TMEM154: variants seen among roughly 807,000 people sequenced by gnomAD.
The protein encoded by TMEM154 is transmembrane protein 154.
Under a neutral mutation model 24.5 loss-of-function variants are expected in TMEM154, and 27 were observed. The ratio of observed to expected loss-of-function variants is 1.10; its 90% CI spans 0.81 to 1.52. TMEM154 has a LOEUF of 1.52. Among genes scored for constraint, TMEM154 ranks in the 40% most tolerant of loss-of-function variants. TMEM154 has a pLI of 0.00. For missense variants in TMEM154, 228 were observed against 213.4 expected, an observed-to-expected ratio of 1.07 and a Z score of -0.43; for synonymous variants, 67 against 76.8, an observed-to-expected ratio of 0.87 and a Z score of 0.67.
At chr4:152,677,758 G>A (rs1166074250) in intron 1 of TMEM154, among the ~76,000 whole-genome samples, 1 of 152,292 alleles carries the variant, frequency 6.6e-6, no homozygotes, top group East Asian at 1.9e-4. Context: ...CCTGTTTTCA[G>A]GAGCTATCAG....
chr4:152,666,060 T>G (rs1728717004), intron 1 of TMEM154, among the ~76,000 whole-genome samples: 1 of 152,042 alleles, frequency 6.6e-6, no homozygotes, highest in Non-Finnish European at 1.5e-5. Flanking sequence ...GTGCCAGGAT[T>G]ACAGGCATGA....
chr4:152,642,338 T>C (rs1200394233), intron 5 of TMEM154, among the ~76,000 whole-genome samples: 1 of 152,212 alleles, frequency 6.6e-6, no homozygotes, highest in Non-Finnish European at 1.5e-5. Flanking sequence ...AATGACATGA[T>C]AATGCTGGGT....
chr4:152,679,897 C>G lies in TMEM154; in HGVS notation c.37G>C (p.Val13Leu). ...APRAALVFAL[V>L]IALVPVGRGN... ...CGGCCGACGGGAACGAGCGCGATCA[C>G]CAGGGCGAAGACTAGGGCTGCGCGG... The change falls in exon 1 of 7, where the codon GTG (valine) becomes CTG (leucine). Residue 13 changes from valine to leucine, a missense_variant. Transcript: ENST00000304385. 1 of 1,611,028 alleles carries G rather than the reference C, an allele frequency of 6.2e-7. No individual in the cohort carries two copies. Among genetic ancestry groups the G allele is most frequent in the Non-Finnish European group, 8.5e-7 (1 of 1,179,076 alleles).
chr4:152,676,999 A>C (rs1411679550), intron 1 of TMEM154, among the ~76,000 whole-genome samples: 1 of 152,212 alleles, frequency 6.6e-6, no homozygotes, highest in African/African-American at 2.4e-5. Context: ...TTAAGCTGAC[A>C]CTGACAGGGC....
Position 152,644,436 on chromosome 4 carries a change from A to G in TMEM154, c.371T>C (p.Leu124Pro), listed in dbSNP as rs1286485924. ...TTACACTTTCACGTTTTCACTTCCC[A>G]GTTCATCTAAAAGGAAATGAACATA... ...GSQSALQTYE[L>P]GSENVKVPIF... is the part of the protein sequence containing the mutation. The change falls in exon 4 of 7, where the codon CTG (leucine) becomes CCG (proline). Residue 124 changes from leucine (L) to proline (P), a missense_variant. Coordinates refer to ENST00000304385, the MANE Select transcript of TMEM154 (RefSeq NM_152680.3). 1 of 1,614,208 alleles carries G rather than the reference A, an allele frequency of 6.2e-7. No homozygotes were observed. Among genetic ancestry groups the G allele is most frequent in the East Asian group, 2.2e-5 (1 of 44,892 alleles).
chr4:152,631,070 G>A (rs1752031088), intron 6 of TMEM154, among the ~76,000 whole-genome samples: 1 of 151,932 alleles, frequency 6.6e-6, no homozygotes, highest in Admixed American at 6.6e-5. Context: ...CTACATCTTT[G>A]GAAACTTCCA....
At chr4:152,639,578 C>G (rs1752215391) in intron 6 of TMEM154, among the ~76,000 whole-genome samples, 1 of 151,918 alleles carries the variant, frequency 6.6e-6, no homozygotes, top group Non-Finnish European at 1.5e-5. Flanking sequence ...ATCTCTCTCT[C>G]TCTCTCTCTC....
In TMEM154 at chr4:152,627,176, A is replaced by T. The variant is rs1192136913; in HGVS notation, c.*1370T>A. Reference sequence around the variant, plus strand: ...CAGAAGGCAAATACTTGTTAAAGGGATCCCAAAAGGTAGGAGACAAGTAGT... The same window carrying T: ...CAGAAGGCAAATACTTGTTAAAGGGTTCCCAAAAGGTAGGAGACAAGTAGT... On this transcript the variant is annotated 3_prime_UTR_variant, in exon 7 of 7. Coordinates refer to ENST00000304385, the MANE Select transcript of TMEM154 (RefSeq NM_152680.3). 2 of 152,266 alleles carry T rather than the reference A, an allele frequency of 1.3e-5. No individual in the cohort carries two copies. The highest frequency in any genetic ancestry group is 4.8e-5 in the African/African-American group (2 of 41,470). The allele number at this position is 152,266 out of a possible 1,614,324, so 9.4% of individuals were successfully genotyped here. A position where few individuals can be genotyped will look rare whatever the true frequency, so the allele number is the denominator to read the frequency against.
chr4:152,650,034 T>C (rs1728342916), intron 3 of TMEM154, among the ~76,000 whole-genome samples: 1 of 152,186 alleles, frequency 6.6e-6, no homozygotes, highest in South Asian at 2.1e-4. Context: ...CCGCAAGTTG[T>C]AATTATTTTT....
At chr4:152,673,428 G>A (rs745924760) in intron 1 of TMEM154, among the ~76,000 whole-genome samples, 4 of 152,130 alleles carry the variant, frequency 2.6e-5, no homozygotes, top group Admixed American at 6.5e-5. Flanking sequence ...AGCCTCCCGA[G>A]TAGCTGGGAC....
rs148777034 is a variant in TMEM154 at position 152,618,754 on chromosome 4, G to A, written c.*9792C>T. ...CTTGCTTGTTAGTTCAATTATGATC[G>A]TTCTCTGCTTCCTTCCATATTGGAT... is the stretch of plus-strand genomic sequence containing the variant. On this transcript the variant is annotated 3_prime_UTR_variant, in exon 7 of 7. Coordinates refer to ENST00000304385, the MANE Select transcript of TMEM154 (RefSeq NM_152680.3). The A allele has an allele frequency of 1.9e-3, 291 of 152,212 alleles. 2 individuals carry two copies. The highest frequency in any genetic ancestry group is 6.7e-3 in the African/African-American group (279 of 41,532). 9.4% of individuals were successfully genotyped at this position (152,212 alleles called of 1,614,324 possible).
chr4:152,662,624 G>A (rs1312926618), intron 1 of TMEM154, among the ~76,000 whole-genome samples: 19 of 151,502 alleles, frequency 1.3e-4, no homozygotes, highest in Admixed American at 1.2e-3. Flanking sequence ...AAACATGACA[G>A]GTGTCCCTCC....
At position 152,652,894 on chromosome 4, in the gene TMEM154, G is replaced by T; in HGVS notation, c.98C>A (p.Thr33Lys). Residue 33 changes from threonine to lysine, a missense_variant, in exon 2 of 7, where the codon ACA becomes AAA. By Grantham distance (78) the Thr-to-Lys change is moderately conservative. Transcript: ENST00000304385. ...NYEELENSGD[T>K]TVESERPNKV... is the part of the protein sequence containing the mutation. ...ATTTGGTCTTTCAGATTCCACAGTT[G>T]TATCTCCTGAGTTTTCTAATTCCTC... 4.3e-6 allele frequency: 7 copies of T among 1,611,504 alleles called. No homozygotes were observed. The East Asian group carries it at 8.9e-5, about 21-fold the overall frequency.
chr4:152,626,263 C>T lies in TMEM154; in HGVS notation c.*2283G>A, dbSNP rs1486696236. ...CGAAAGTCAGATTTTGTTCTGATTG[C>T]CCTATCCAATTAGGGCAAATTAGTG... On this transcript the variant is annotated 3_prime_UTR_variant, in exon 7 of 7. Transcript: ENST00000304385. The T allele has an allele frequency of 1.3e-5, 2 of 152,610 alleles. No individual in the cohort carries two copies. The highest frequency in any genetic ancestry group is 3.8e-4 in the East Asian group (2 of 5,204). 9.5% of individuals were successfully genotyped at this position (152,610 alleles called of 1,614,324 possible).
intron 3 of TMEM154, chr4:152,646,744 C>T (rs1728249347): frequency 5.3e-6 from 3 of 567,000 alleles, no homozygotes; most frequent in South Asian, 2.2e-5. Flanking sequence ...TCTGTGCATT[C>T]GATAGTGGGG....
At chr4:152,639,707 G>A (rs965394628) in intron 6 of TMEM154, 2 of 152,466 alleles carry the variant, frequency 1.3e-5, no homozygotes, top group African/African-American at 4.8e-5. Flanking sequence ...TGAAATCCTG[G>A]GCTCAAGCAA....
At chr4:152,668,032 C>A (rs558441570) in intron 1 of TMEM154, among the ~76,000 whole-genome samples, 34 of 152,298 alleles carry the variant, frequency 2.2e-4, no homozygotes, top group Non-Finnish European at 4.3e-4. Flanking sequence ...ATTTTGATGT[C>A]TTTTTAAGAG....
At chr4:152,650,251 G>A (rs1166279084) in intron 3 of TMEM154, among the ~76,000 whole-genome samples, 1 of 152,062 alleles carries the variant, frequency 6.6e-6, no homozygotes, top group East Asian at 1.9e-4. Context: ...TTTCACAATT[G>A]GAGACGATTC....
intron 1 of TMEM154, among the ~76,000 whole-genome samples, chr4:152,674,413 G>T (rs1431917685): frequency 2.0e-5 from 3 of 152,138 alleles, no homozygotes; most frequent in African/African-American, 7.2e-5. Flanking sequence ...TGTGGAACCT[G>T]GGCCCTCCTC....
Sources: gnomAD v4.1 joint callset for allele counts (sites outside exome capture counted in the v4.1 genomes callset) on GRCh38, gnomAD v4.1.1 for gene constraint, MANE v1.5 for transcripts, NCBI Gene and HGNC (gene_info 2026-07-23, HGNC 2026-07-21) for gene names.